ACBD4: variants seen among roughly 807,000 people sequenced by gnomAD.
The protein encoded by ACBD4 is acyl-CoA-binding domain-containing protein 4.
In ACBD4, 41 loss-of-function variants were observed where a neutral mutation model predicts 46.0. The ratio of observed to expected loss-of-function variants is 0.89; its 90% CI spans 0.69 to 1.16. The LOEUF is 1.16. Ranked by LOEUF, ACBD4 falls within the 50% of genes most tolerant of loss-of-function variation. ACBD4 has a pLI of 0.00. For synonymous variants in ACBD4, 162 were observed against 155.9 expected (o/e 1.04, Z -0.29); for missense variants, 393 against 399.5 (o/e 0.98, Z 0.14).
chr17:45,143,582 A>AG lies in ACBD4; in HGVS notation c.*15dup, dbSNP rs770698543. On this transcript the variant is annotated 3_prime_UTR_variant, in exon 10 of 10. Transcript: ENST00000321854. ...ACCCAAAAGAGGTGACTGTCAGTGG[A>AG]GGGGTCTCTGCAGCCAACTGAGACT... 48 of 1,614,012 alleles carry AG rather than the reference A, an allele frequency of 3.0e-5. No homozygotes were observed. In the African/African-American group the frequency reaches 5.6e-4, roughly 19 times the overall value.
At chr17:45,141,284 G>T (rs1178513420) in intron 9 of ACBD4, among the ~76,000 whole-genome samples, 7 of 152,116 alleles carry the variant, frequency 4.6e-5, no homozygotes, top group Non-Finnish European at 1.5e-5. Flanking sequence ...CTGGGCTGGT[G>T]TCCTATAGAA....
chr17:45,139,144 C>T lies in ACBD4; in HGVS notation c.773C>T (p.Pro258Leu). 5 of 1,613,554 alleles carry T rather than the reference C, an allele frequency of 3.1e-6. No homozygotes were observed. The highest frequency in any genetic ancestry group is 1.3e-5 in the African/African-American group (1 of 75,002). ...QARVQSLESM[P>L]RPPEQRPQPR... The stretch of plus-strand genomic sequence containing the variant: ...AGGGTGCAGAGCCTGGAGAGCATGC[C>T]CCGGCCCCCTGAGCAGGTAGAGTCC... Residue 258 changes from proline to leucine, a missense_variant, in exon 9 of 10, where the codon CCC (proline) becomes CTC (leucine). By Grantham distance (98) the Pro-to-Leu change is moderately conservative. Around this residue, in one of 3 missense-constraint regions of ACBD4, gnomAD observed 308 missense variants for 301.8 expected, o/e 1.02. Coordinates refer to ENST00000321854, the MANE Select transcript of ACBD4 (RefSeq NM_001135705.3).
At chr17:45,138,151 G>T in intron 8 of ACBD4, 163 bp downstream of exon 8, 1 of 749,112 alleles carries the variant, frequency 1.3e-6, no homozygotes, top group Non-Finnish European at 2.2e-6. Context: ...CCAGATACCT[G>T]CCTGGATGGG....
intron 7 of ACBD4, 26 bp from the exon 8 acceptor site, chr17:45,137,887 C>A (rs781627367): frequency 6.2e-7 from 1 of 1,613,844 alleles, no homozygotes; most frequent in Non-Finnish European, 8.5e-7. Flanking sequence ...CACTCCCACC[C>A]TCAGCTCTCT....
upstream of ACBD4, chr17:45,132,296 A>G (rs568740668): frequency 3.9e-6 from 5 of 1,267,804 alleles, no homozygotes; most frequent in African/African-American, 7.6e-5. The surrounding 1 kb of genome is among the most constrained non-coding windows in gnomAD (Gnocchi z 4.6). Flanking sequence ...CCGCCATCGG[A>G]GGGAGTCGGC....
intron 9 of ACBD4, 45 bp from the exon 10 acceptor site, chr17:45,143,398 G>C (rs747502437): frequency 2.7e-6 from 4 of 1,499,078 alleles, no homozygotes; most frequent in Non-Finnish European, 9.0e-7. Context: ...GGGAGGCTGT[G>C]CTGAGGCCTG....
upstream of ACBD4, among the ~76,000 whole-genome samples, chr17:45,134,944 T>A (rs1235483378): frequency 1.3e-5 from 2 of 150,232 alleles, no homozygotes; most frequent in East Asian, 3.9e-4. Flanking sequence ...CTGGTAACCA[T>A]CATTCTGCGA....
intron 9 of ACBD4, among the ~76,000 whole-genome samples, chr17:45,140,050 C>T (rs898655554): frequency 6.6e-6 from 1 of 152,064 alleles, no homozygotes; most frequent in African/African-American, 2.4e-5. Context: ...CTGGGGTGAC[C>T]GCTAATCCAC....
At position 45,136,188 on chromosome 17, in the gene ACBD4, A is replaced by G. The variant is rs2054814836; in HGVS notation, c.44A>G (p.Gln15Arg). 6.2e-7 allele frequency: 1 copy of G among 1,613,620 alleles called. No homozygotes were observed. Among genetic ancestry groups the G allele is most frequent in the Non-Finnish European group, 8.5e-7 (1 of 1,179,868 alleles). The change falls in exon 2 of 10, where the codon CAG becomes CGG. Residue 15 changes from glutamine to arginine, a missense_variant. Gln to Arg is a conservative substitution (Grantham distance 43). This residue lies in a region of ACBD4 where 61 missense variants were observed against 50.3 expected (regional missense o/e 1.21). Transcript: ENST00000321854. ...KESPEPDCQKQFQAAVSVIQN... is the reference protein window; with the variant it reads ...KESPEPDCQKRFQAAVSVIQN... ...AGCCCAGAGCCCGACTGCCAGAAAC[A>G]GTTCCAGGCTGCAGTGAGCGTCATC...
upstream of ACBD4, among the ~76,000 whole-genome samples, chr17:45,131,913 T>C (rs1442360785): frequency 6.6e-6 from 1 of 152,008 alleles, no homozygotes; most frequent in African/African-American, 2.4e-5. Context: ...TAGATACTGC[T>C]GGGGAGCCGG....
At chr17:45,132,760 C>G (rs139426383), upstream of ACBD4, 44 of 164,546 alleles carry the variant, frequency 2.7e-4, 1 homozygote, top group East Asian at 7.3e-3. This position sits in a 1 kb window ranked among gnomAD's most constrained non-coding sequence, Gnocchi z 4.6. Flanking sequence ...GGAGCCGGCA[C>G]CGGGGACGAG....
Position 45,137,020 on chromosome 17 carries a change from T to C in ACBD4, c.296T>C (p.Val99Ala). 2 of 1,613,982 alleles carry C rather than the reference T, an allele frequency of 1.2e-6. No homozygotes were observed. The highest frequency in any genetic ancestry group is 8.5e-7 in the Non-Finnish European group (1 of 1,179,974). ...ITEMKLVAQKVIDTVPLGEVA... is the reference protein window; with the variant it reads ...ITEMKLVAQKAIDTVPLGEVA... ...CCCAACAGACCCCCTCCCCTACAGG[T>C]GATCGACACAGTGCCCCTGGGTGAG... is the stretch of plus-strand genomic sequence containing the variant. Residue 99 changes from valine to alanine, a missense_variant and splice_region_variant, in exon 5 of 10, where the codon GTG (valine) becomes GCG (alanine). Val to Ala is a moderately conservative substitution (Grantham distance 64, BLOSUM62 0). Coordinates refer to ENST00000321854, the MANE Select transcript of ACBD4 (RefSeq NM_001135705.3).
upstream of ACBD4, chr17:45,132,638 C>T (rs2054491329): frequency 3.9e-6 from 1 of 259,294 alleles, no homozygotes; most frequent in African/African-American, 2.3e-5. The surrounding 1 kb of genome is among the most constrained non-coding windows in gnomAD (Gnocchi z 4.6). Context: ...CCTGGAAGCC[C>T]GGAGCCTCAG....
chr17:45,132,455 G>A (rs936801909), upstream of ACBD4: 6 of 1,146,706 alleles, frequency 5.2e-6, no homozygotes, highest in African/African-American at 8.1e-5. This position sits in a 1 kb window ranked among gnomAD's most constrained non-coding sequence, Gnocchi z 4.6. Flanking sequence ...TGCACGCGGG[G>A]ACAGGGCAGC....
In ACBD4 at chr17:45,136,700, G is replaced by C. The variant is rs1356484482; in HGVS notation, c.218G>C (p.Trp73Ser). 1 of 1,614,100 alleles carries C rather than the reference G, an allele frequency of 6.2e-7. No individual in the cohort carries two copies. Among genetic ancestry groups the C allele is most frequent in the South Asian group, 1.1e-5 (1 of 91,076 alleles). ...DPIGRYKWDA[W>S]NSLGKMSREE... The stretch of plus-strand genomic sequence containing the variant: ...CAGCCCTCTGCCCCCAGGGACGCCT[G>C]GAACAGTCTGGGCAAGATGAGCAGG... Residue 73 changes from tryptophan to serine, a missense_variant, in exon 4 of 10, where the codon TGG becomes TCG. Around this residue, in one of 3 missense-constraint regions of ACBD4, gnomAD observed 24 missense variants for 47.4 expected, o/e 0.51. Coordinates refer to ENST00000321854, the MANE Select transcript of ACBD4 (RefSeq NM_001135705.3).
intron 9 of ACBD4, chr17:45,142,808 G>T: frequency 6.5e-6 from 1 of 153,980 alleles, no homozygotes; most frequent in African/African-American, 2.4e-5. Context: ...CACCTGCCTC[G>T]GCCTCCCAAA....
Position 45,135,917 on chromosome 17 carries a change from C to T in ACBD4, c.-74C>T, listed in dbSNP as rs2054793031. On this transcript the variant is annotated 5_prime_UTR_variant, in exon 1 of 10. Transcript: ENST00000321854. The stretch of plus-strand genomic sequence containing the variant: ...ACTGAGGCCCTCGCCACCTGCCTCG[C>T]CACCTGGCGACCCTGACCCCACCAC... 1 of 531,514 alleles carries T rather than the reference C, an allele frequency of 1.9e-6. No individual in the cohort carries two copies. Among genetic ancestry groups the T allele is most frequent in the Non-Finnish European group, 3.4e-6 (1 of 295,614 alleles). The allele number at this position is 531,514 out of a possible 1,614,324, so 32.9% of individuals were successfully genotyped here.
At position 45,139,082 on chromosome 17, in the gene ACBD4, T is replaced by C; in HGVS notation, c.711T>C (p.Val237=). Residue 237 remains valine (V), a synonymous_variant, in exon 9 of 10, where the codon GTT becomes GTC. Transcript: ENST00000321854. ...QELDVWLLGT[V]RALQESMQEV... ...TGGACGTGTGGCTGCTGGGGACAGTTCGAGCACTACAGGAGAGCATGCAGG... is the reference window on the plus strand; with the variant it reads ...TGGACGTGTGGCTGCTGGGGACAGTCCGAGCACTACAGGAGAGCATGCAGG... 1 of 1,613,826 alleles carries C rather than the reference T, an allele frequency of 6.2e-7. No homozygotes were observed.
intron 8 of ACBD4, chr17:45,138,524 C>A: frequency 5.4e-6 from 1 of 186,856 alleles, no homozygotes; most frequent in Non-Finnish European, 1.1e-5. Context: ...GGCACGATGG[C>A]TCACGCCTGT....
Sources: gnomAD v4.1 joint callset for allele counts (sites outside exome capture counted in the v4.1 genomes callset) on GRCh38, gnomAD v4.1.1 for gene constraint, gnomAD v4.1.1 regional missense constraint, Gnocchi (gnomAD v3.1) non-coding constraint, MANE v1.5 for transcripts, NCBI Gene and HGNC (gene_info 2026-07-23, HGNC 2026-07-21) for gene names.